The following MTM1 variants were observed in gnomAD, a reference collection of about 807,000 sequenced individuals.
The protein encoded by MTM1 is myotubularin 1.
Under a neutral mutation model 52.1 loss-of-function variants are expected in MTM1, and 9 were observed. The observed-to-expected ratio is 0.17, with a 90% CI of 0.10 to 0.30. MTM1 has a LOEUF of 0.30. Among genes scored for constraint, MTM1 ranks in the 10% least tolerant of loss-of-function variants. MTM1 has a pLI of 1.00. For synonymous variants in MTM1, 136 were observed against 163.8 expected (o/e 0.83, Z 1.29); for missense variants, 277 against 470.7 (o/e 0.59, Z 3.81).
chrX:150,583,157 T>G (rs182405128), intron 1 of MTM1, among the ~76,000 whole-genome samples: 20,386 of 75,021 alleles, frequency 0.27, 2,622 homozygotes, highest in South Asian at 0.5. Flanking sequence ...TATATATAAA[T>G]TATATATATT....
chrX:150,598,865 G>A (rs2039022849), intron 4 of MTM1, among the ~76,000 whole-genome samples, 179 bp downstream of exon 4: 1 of 111,871 alleles, frequency 8.9e-6, no homozygotes, highest in Non-Finnish European at 1.9e-5. Flanking sequence ...TATATGTAAG[G>A]AACAGGGTCA....
At chrX:150,653,329 G>A (rs2040058874) in intron 10 of MTM1, among the ~76,000 whole-genome samples, 1 of 111,445 alleles carries the variant, frequency 9.0e-6, no homozygotes, top group Non-Finnish European at 1.9e-5. Context: ...TGCCTCTGTG[G>A]TCACATTGCC....
intron 4 of MTM1, among the ~76,000 whole-genome samples, chrX:150,607,039 C>T (rs1344585824): frequency 1.0e-5 from 1 of 99,723 alleles, no homozygotes; most frequent in African/African-American, 3.7e-5. Flanking sequence ...AGTGCAGTGG[C>T]GTGATCTCGG....
At chrX:150,668,381 C>T (rs782229720) in intron 14 of MTM1, among the ~76,000 whole-genome samples, 1 of 111,263 alleles carries the variant, frequency 9.0e-6, no homozygotes, top group Admixed American at 9.5e-5. Context: ...AGACCATTCT[C>T]CTGAACATTA....
chrX:150,608,091 T>C (rs782346050), intron 4 of MTM1, among the ~76,000 whole-genome samples: 56 of 111,270 alleles, frequency 5.0e-4, no homozygotes, highest in African/African-American at 1.8e-3. Flanking sequence ...AAAGGAAGCA[T>C]GAAAAATGAC....
rs2039668100 is a variant in MTM1, at chrX:150,631,606, T to C, written c.445-7337T>C. 3.3e-5 allele frequency among the ~76,000 whole-genome samples: 3 copies of C among 91,143 alleles called. No individual in the cohort carries two copies. The South Asian group carries it at 1.6e-3, about 48-fold the overall frequency. 79.1% of individuals were successfully genotyped at this position (91,143 alleles called of 115,157 possible). On this transcript the variant is annotated intron_variant, in intron 6 of 14. Coordinates refer to ENST00000370396, the MANE Select transcript of MTM1 (RefSeq NM_000252.3). ...TGAACCTGGGAGGCAGAATTTGTAGTGAGCCGAGATTGCTCCACTGCACTC... is the reference window on the plus strand; with the variant it reads ...TGAACCTGGGAGGCAGAATTTGTAGCGAGCCGAGATTGCTCCACTGCACTC...
chrX:150,602,206 C>T (rs1325903772), intron 4 of MTM1, among the ~76,000 whole-genome samples: 1 of 112,117 alleles, frequency 8.9e-6, no homozygotes, highest in African/African-American at 3.2e-5. Flanking sequence ...TCACTGTGTC[C>T]TATGTTATAT....
intron 6 of MTM1, among the ~76,000 whole-genome samples, chrX:150,630,054 G>A (rs2148475297): frequency 8.9e-6 from 1 of 112,145 alleles, no homozygotes; most frequent in East Asian, 2.8e-4. Flanking sequence ...ACGTAACACA[G>A]GTTTGAGGGA....
intron 4 of MTM1, among the ~76,000 whole-genome samples, chrX:150,599,104 A>G (rs1557412688): frequency 1.8e-5 from 2 of 112,707 alleles, no homozygotes. Context: ...TGGCACAGTT[A>G]TATTTTCTAA....
chrX:150,661,914 T>C lies in MTM1; in HGVS notation c.1467+1430T>C, dbSNP rs935553350. Among the ~76,000 whole-genome samples the C allele has an allele frequency of 4.5e-5, 5 of 112,197 alleles. No homozygotes were observed. In the East Asian group the frequency reaches 1.4e-3, roughly 31 times the overall value. On this transcript the variant is annotated intron_variant, in intron 13 of 14. Coordinates refer to ENST00000370396, the MANE Select transcript of MTM1 (RefSeq NM_000252.3). ...TTGAAATTTGCTAAAATAATAGATC[T>C]CAAGTGTTCTCACTGCAAAAAAAAT...
intron 13 of MTM1, among the ~76,000 whole-genome samples, chrX:150,661,713 T>A (rs222413): frequency 0.15 from 16,582 of 110,817 alleles, 1,122 homozygotes; most frequent in African/African-American, 0.25. Flanking sequence ...TTCCCTTATG[T>A]GTGGAATCTA....
chrX:150,654,072 G>A (rs925177224), intron 10 of MTM1, among the ~76,000 whole-genome samples: 1 of 111,980 alleles, frequency 8.9e-6, no homozygotes. Flanking sequence ...CTTAACTACC[G>A]TGATGTATAC....
chrX:150,667,223 A>G (rs1203702008), intron 14 of MTM1, among the ~76,000 whole-genome samples: 1 of 110,325 alleles, frequency 9.1e-6, no homozygotes, highest in African/African-American at 3.3e-5. Flanking sequence ...CTCACCAACA[A>G]CCTTTCTCAC....
chrX:150,628,021 G>T, intron 6 of MTM1, among the ~76,000 whole-genome samples: 1 of 111,298 alleles, frequency 9.0e-6, no homozygotes, highest in East Asian at 2.8e-4. Context: ...TAGACAGGAA[G>T]GTTCTCTTGA....
At chrX:150,568,335 C>T (rs2038291286), upstream of MTM1, among the ~76,000 whole-genome samples, 1 of 113,354 alleles carries the variant, frequency 8.8e-6, no homozygotes. Flanking sequence ...AGGGATGGCC[C>T]CTGGCATCTT....
intron 10 of MTM1, among the ~76,000 whole-genome samples, chrX:150,654,716 A>G (rs1603201580): frequency 8.9e-6 from 1 of 111,904 alleles, no homozygotes; most frequent in East Asian, 2.8e-4. Flanking sequence ...CCGAATAGTG[A>G]GCATGGTATC....
intron 14 of MTM1, among the ~76,000 whole-genome samples, chrX:150,667,350 C>T (rs1177955559): frequency 8.9e-6 from 1 of 111,759 alleles, no homozygotes; most frequent in East Asian, 2.8e-4. Flanking sequence ...CAGTGCAGCT[C>T]ACTCTGACCA....
At chrX:150,563,438 C>A (rs2148386420), upstream of MTM1, among the ~76,000 whole-genome samples, 1 of 103,802 alleles carries the variant, frequency 9.6e-6, no homozygotes, top group South Asian at 4.6e-4. Context: ...ACTCAGTCTC[C>A]TGAGTAGCTG....
intron 8 of MTM1, 34 bp from the exon 9 acceptor site, chrX:150,645,649 T>C: frequency 8.4e-7 from 1 of 1,185,413 alleles, no homozygotes; most frequent in South Asian, 1.8e-5. Flanking sequence ...AGATTTGCTT[T>C]CTTGATAGCT....
Sources: gnomAD v4.1 joint callset for allele counts (sites outside exome capture counted in the v4.1 genomes callset) on GRCh38, gnomAD v4.1.1 for gene constraint, MANE v1.5 for transcripts, NCBI Gene and HGNC (gene_info 2026-07-23, HGNC 2026-07-21) for gene names.